Variants in LRRC20 observed in about 807,000 individuals in gnomAD.
The protein encoded by LRRC20 is leucine rich repeat containing 20.
LRRC20 carries 11 observed loss-of-function variants against 14.4 expected under a neutral mutation model. That is an observed-to-expected ratio of 0.77 (90% CI 0.48 to 1.27). The LOEUF is 1.27. Ranked by LOEUF, LRRC20 falls within the 50% of genes most tolerant of loss-of-function variation. The pLI is 0.00. For synonymous variants in LRRC20, 121 were observed against 107.3 expected (o/e 1.13, Z -0.79); for missense variants, 219 against 251.2 (o/e 0.87, Z 0.87).
At chr10:70,356,690 A>C (rs1843539543) in intron 2 of LRRC20, among the ~76,000 whole-genome samples, 1 of 152,068 alleles carries the variant, frequency 6.6e-6, no homozygotes, top group South Asian at 2.1e-4. Context: ...GTCTCTACTA[A>C]AAATACAAAA....
intron 4 of LRRC20, among the ~76,000 whole-genome samples, chr10:70,322,496 C>T (rs931642396): frequency 6.6e-6 from 1 of 152,176 alleles, no homozygotes; most frequent in South Asian, 2.1e-4. Context: ...GAGGGAGAGC[C>T]GCGCAGGCCA....
intron 2 of LRRC20, among the ~76,000 whole-genome samples, chr10:70,350,815 G>A (rs1279952510): frequency 2.0e-5 from 3 of 152,232 alleles, no homozygotes; most frequent in South Asian, 2.1e-4. Flanking sequence ...CACTCCCACT[G>A]AGAAGCTTTC....
chr10:70,301,428 G>A lies in LRRC20; in HGVS notation c.481C>T (p.Arg161Cys), dbSNP rs748330259. Reference protein sequence around the residue: ...LRFNPLNAEVRVIAPPLIKFD... With the variant: ...LRFNPLNAEVCVIAPPLIKFD... Reference sequence around the variant, plus strand: ...TTGATGAGCGGCGGGGCGATCACGCGCACCTCGGCGTTGAGTGGGTTGAAG... The same window carrying A: ...TTGATGAGCGGCGGGGCGATCACGCACACCTCGGCGTTGAGTGGGTTGAAG... Residue 161 changes from arginine (R) to cysteine (C), a missense_variant, in exon 5 of 5, where the codon CGC becomes TGC. By Grantham distance (180) the Arg-to-Cys change is radical (BLOSUM62 -3). Coordinates refer to ENST00000446961, the MANE Select transcript of LRRC20 (RefSeq NM_001278212.2). 2.0e-5 allele frequency: 33 copies of A among 1,613,684 alleles called. No individual in the cohort carries two copies. The African/African-American group carries it at 2.3e-4, about 11-fold the overall frequency.
intron 2 of LRRC20, among the ~76,000 whole-genome samples, chr10:70,352,121 GC>G (rs1325000627): frequency 4.6e-5 from 3 of 64,774 alleles, no homozygotes; most frequent in Non-Finnish European, 1.2e-4. Flanking sequence ...GGAAAGACAT[GC>G]TTTGTTTTTT....
At chr10:70,307,999 G>A (rs1307210500) in intron 4 of LRRC20, among the ~76,000 whole-genome samples, 3 of 152,186 alleles carry the variant, frequency 2.0e-5, no homozygotes, top group Non-Finnish European at 4.4e-5. Context: ...ACAGAGTTTG[G>A]CCAGCAGAGT....
At chr10:70,318,968 G>A (rs928466241) in intron 4 of LRRC20, among the ~76,000 whole-genome samples, 4 of 151,420 alleles carry the variant, frequency 2.6e-5, no homozygotes, top group Admixed American at 6.6e-5. Flanking sequence ...TACCACACCC[G>A]GCTAATTTTT....
chr10:70,355,897 A>ACAC (rs66462045), intron 2 of LRRC20, among the ~76,000 whole-genome samples: 3 of 151,968 alleles, frequency 2.0e-5, no homozygotes, highest in Non-Finnish European at 4.4e-5. Flanking sequence ...CCTCTGACAA[A>ACAC]CGCACACACG....
chr10:70,316,379 TACC>T (rs1325861261), intron 4 of LRRC20, among the ~76,000 whole-genome samples: 1 of 152,192 alleles, frequency 6.6e-6, no homozygotes, highest in African/African-American at 2.4e-5. Context: ...GTGATCCACC[TACC>T]TCAGCATACC....
chr10:70,380,629 TAGA>T (rs1415558624), intron 1 of LRRC20, among the ~76,000 whole-genome samples: 2 of 152,184 alleles, frequency 1.3e-5, no homozygotes, highest in South Asian at 2.1e-4. Context: ...GGGTAGGCCT[TAGA>T]AAATGTCAGG....
chr10:70,366,163 C>T (rs1843993188), intron 2 of LRRC20, among the ~76,000 whole-genome samples: 2 of 151,976 alleles, frequency 1.3e-5, no homozygotes, highest in Admixed American at 1.3e-4. Context: ...TGGCTCATGC[C>T]TGTAGTCCCA....
At chr10:70,349,675 T>C (rs1843219728) in intron 2 of LRRC20, among the ~76,000 whole-genome samples, 1 of 152,212 alleles carries the variant, frequency 6.6e-6, no homozygotes, top group African/African-American at 2.4e-5. Flanking sequence ...TAGTAACTCA[T>C]TTAATTCCTT....
At position 70,353,911 on chromosome 10, in the gene LRRC20, T is replaced by A. The variant is rs188049831; in HGVS notation, c.83-13209A>T. On this transcript the variant is annotated intron_variant, in intron 2 of 4. Coordinates refer to ENST00000446961, the MANE Select transcript of LRRC20 (RefSeq NM_001278212.2). ...AATGGGTTCCCTGGGAACACTAGTA[T>A]ATTGCAGTTCCCATGGAACTATATA... Among the ~76,000 whole-genome samples, 18 of 152,306 alleles carry A rather than the reference T, an allele frequency of 1.2e-4. No individual in the cohort carries two copies. The East Asian group carries it at 2.9e-3, about 24-fold the overall frequency.
At chr10:70,354,274 C>T (rs761073509) in intron 2 of LRRC20, among the ~76,000 whole-genome samples, 21 of 152,100 alleles carry the variant, frequency 1.4e-4, no homozygotes, top group Admixed American at 4.6e-4. Context: ...GTGAACTCTG[C>T]ACCATACCAT....
At position 70,300,483 on chromosome 10, in the gene LRRC20, C is replaced by T. The variant is rs943929477; in HGVS notation, c.*871G>A. ...CTGCCCCCAGGAGGCCATGACAAGG[C>T]AGCCAGGCTGCTGCTGGACTGGACA... On this transcript the variant is annotated 3_prime_UTR_variant, in exon 5 of 5. Transcript: ENST00000446961. The T allele has an allele frequency of 1.2e-4, 121 of 985,492 alleles. No homozygotes were observed. In the African/African-American group the frequency reaches 2.0e-3, roughly 16 times the overall value. The allele number at this position is 985,492 out of a possible 1,614,324, so 61.0% of individuals were successfully genotyped here.
chr10:70,379,844 G>A (rs1307096949), intron 1 of LRRC20, among the ~76,000 whole-genome samples: 1 of 152,176 alleles, frequency 6.6e-6, no homozygotes, highest in African/African-American at 2.4e-5. Flanking sequence ...TTTTCCCACT[G>A]TAGTGGGAGA....
At chr10:70,357,711 T>G (rs1843582065) in intron 2 of LRRC20, among the ~76,000 whole-genome samples, 1 of 152,186 alleles carries the variant, frequency 6.6e-6, no homozygotes, top group Non-Finnish European at 1.5e-5. Context: ...CATATTCAAT[T>G]AAAATCAAAA....
chr10:70,327,944 C>T (rs148020152), intron 3 of LRRC20, among the ~76,000 whole-genome samples: 167 of 152,310 alleles, frequency 1.1e-3, no homozygotes, highest in African/African-American at 3.8e-3. Flanking sequence ...CAGTTTTACA[C>T]GCCTAATCCC....
chr10:70,371,633 T>G lies in LRRC20; in HGVS notation c.82+4819A>C, dbSNP rs557468211. 2.6e-4 allele frequency among the ~76,000 whole-genome samples: 39 copies of G among 151,726 alleles called. No individual in the cohort carries two copies. The East Asian group carries it at 7.6e-3, about 29-fold the overall frequency. ...GGTCCAGGACCCACGGAAACCCAGATGGAAAAGGGGCAGGGAAAGAGAGCC... is the reference window on the plus strand; with the variant it reads ...GGTCCAGGACCCACGGAAACCCAGAGGGAAAAGGGGCAGGGAAAGAGAGCC... On this transcript the variant is annotated intron_variant, in intron 2 of 4. Coordinates refer to ENST00000446961, the MANE Select transcript of LRRC20 (RefSeq NM_001278212.2).
chr10:70,351,949 T>C (rs975508444), intron 2 of LRRC20, among the ~76,000 whole-genome samples: 1 of 152,226 alleles, frequency 6.6e-6, no homozygotes, highest in Non-Finnish European at 1.5e-5. Context: ...TCATCTAGGA[T>C]GTAACAGTGA....
Sources: allele counts gnomAD v4.1 joint callset (sites outside exome capture counted in the v4.1 genomes callset), GRCh38; gene constraint gnomAD v4.1.1; transcripts MANE v1.5; gene names NCBI Gene and HGNC (gene_info 2026-07-23, HGNC 2026-07-21).